CFAP44: variants seen among roughly 807,000 people sequenced by gnomAD.
The protein encoded by CFAP44 is cilia and flagella associated protein 44, also known as cilia- and flagella-associated protein 44.
CFAP44 carries 134 observed loss-of-function variants against 216.2 expected under a neutral mutation model. That is an observed-to-expected ratio of 0.62 (90% CI 0.54 to 0.72). The LOEUF is 0.72. CFAP44 is among the 30% of genes least tolerant of loss of function. The pLI is 0.00. For missense variants in CFAP44, 2,035 were observed against 2,182.1 expected, an observed-to-expected ratio of 0.93 and a Z score of 1.34; for synonymous variants, 700 against 727.6, an observed-to-expected ratio of 0.96 and a Z score of 0.61.
chr3:113,370,019 G>C (rs1933097470), intron 18 of CFAP44, among the ~76,000 whole-genome samples: 1 of 152,096 alleles, frequency 6.6e-6, no homozygotes, highest in Admixed American at 6.5e-5. Context: ...ACCCTCCCAA[G>C]ACTAAACCAG....
chr3:113,418,910 T>G (rs1426931008), intron 5 of CFAP44, among the ~76,000 whole-genome samples: 2 of 152,020 alleles, frequency 1.3e-5, no homozygotes, highest in East Asian at 3.9e-4. Context: ...TTCACCATGT[T>G]GGCCAGGCTG....
At chr3:113,390,069 C>T (rs555067596) in intron 15 of CFAP44, among the ~76,000 whole-genome samples, 1 of 152,290 alleles carries the variant, frequency 6.6e-6, no homozygotes, top group South Asian at 2.1e-4. Flanking sequence ...AGGCCACTAT[C>T]ACAGATGAAT....
At chr3:113,294,651 C>T in intron 34 of CFAP44, 36 bp downstream of exon 34, 1 of 1,487,112 alleles carries the variant, frequency 6.7e-7, no homozygotes, top group Non-Finnish European at 8.9e-7. Flanking sequence ...AGAGCTTCCT[C>T]AATTCCGAAA....
intron 21 of CFAP44, among the ~76,000 whole-genome samples, chr3:113,361,663 T>C (rs1046786139): frequency 1.3e-5 from 2 of 148,844 alleles, no homozygotes; most frequent in African/African-American, 5.2e-5. Flanking sequence ...ACCTGGCTAA[T>C]TTTTTTTGTA....
chr3:113,397,679 A>G (rs1055651173), intron 13 of CFAP44, among the ~76,000 whole-genome samples: 5 of 152,192 alleles, frequency 3.3e-5, no homozygotes, highest in African/African-American at 1.2e-4. Flanking sequence ...TATTTTAGGA[A>G]GAGGTGTAAT....
chr3:113,423,821 C>T (rs1934886909), intron 4 of CFAP44, among the ~76,000 whole-genome samples: 1 of 152,074 alleles, frequency 6.6e-6, no homozygotes, highest in Non-Finnish European at 1.5e-5. Flanking sequence ...CAGAGTAGGC[C>T]CAGAGACTCC....
At chr3:113,344,092 C>G (rs1344389963) in intron 23 of CFAP44, among the ~76,000 whole-genome samples, 1 of 152,128 alleles carries the variant, frequency 6.6e-6, no homozygotes, top group Non-Finnish European at 1.5e-5. Flanking sequence ...GTCTGAAATG[C>G]AGTGTTTTAG....
chr3:113,346,609 T>C (rs1950385583), intron 22 of CFAP44, among the ~76,000 whole-genome samples: 1 of 151,728 alleles, frequency 6.6e-6, no homozygotes, highest in Non-Finnish European at 1.5e-5. Flanking sequence ...AATGCACCAA[T>C]CAACACTCTG....
At chr3:113,367,938 C>T (rs556298196) in intron 18 of CFAP44, among the ~76,000 whole-genome samples, 46 of 151,822 alleles carry the variant, frequency 3.0e-4, no homozygotes, top group African/African-American at 1.0e-3. Flanking sequence ...AACTTCGTGA[C>T]GCATGCACAA....
chr3:113,420,240 G>A lies in CFAP44; in HGVS notation c.408-61C>T, dbSNP rs1171134029. 4.1e-6 allele frequency: 6 copies of A among 1,458,212 alleles called. No homozygotes were observed. In the African/African-American group the frequency reaches 4.3e-5, roughly 10 times the overall value. 90.3% of individuals were successfully genotyped at this position (1,458,212 alleles called of 1,614,324 possible). ...CACTACCATCCTAGGGATTGGAAAA[G>A]TGATGAAATAAATTTTTAAATCTAT... On this transcript the variant is annotated intron_variant, in intron 4 of 34. Coordinates refer to ENST00000393845, the MANE Select transcript of CFAP44 (RefSeq NM_001164496.2).
chr3:113,433,792 G>A, intron 1 of CFAP44, 123 bp from the exon 2 acceptor site: 1 of 754,426 alleles, frequency 1.3e-6, no homozygotes, highest in Admixed American at 2.1e-5. Context: ...GTTTGCACAG[G>A]ATCCAGGATG....
At position 113,391,123 on chromosome 3, in the gene CFAP44, T is replaced by C. The variant is rs138233936; in HGVS notation, c.1890+4627A>G. 7.9e-4 allele frequency among the ~76,000 whole-genome samples: 120 copies of C among 152,262 alleles called. 1 individual carries two copies. Among genetic ancestry groups the C allele is most frequent in the East Asian group, 5.2e-3 (27 of 5,190 alleles). On this transcript the variant is annotated intron_variant, in intron 15 of 34. Coordinates refer to ENST00000393845, the MANE Select transcript of CFAP44 (RefSeq NM_001164496.2). The stretch of plus-strand genomic sequence containing the variant: ...CAGAGATACAGGAACCAAAACAGCA[T>C]GGTACTGACATAAAAACAGAAACAC...
intron 32 of CFAP44, among the ~76,000 whole-genome samples, chr3:113,303,417 G>T (rs1949956709): frequency 6.6e-6 from 1 of 152,074 alleles, no homozygotes; most frequent in Non-Finnish European, 1.5e-5. Flanking sequence ...GTAGTTTATG[G>T]ATAACTTAAA....
In CFAP44 at chr3:113,373,518, G is replaced by T. The variant is rs150695313; in HGVS notation, c.2337C>A (p.Phe779Leu). 590 of 1,600,986 alleles carry T rather than the reference G, an allele frequency of 3.7e-4. 3 individuals are homozygous for T. The African/African-American group carries it at 6.8e-3, about 19-fold the overall frequency. The change falls in exon 18 of 35, where the codon TTC becomes TTA. Residue 779 changes from phenylalanine to leucine, a missense_variant. This residue lies in a region of CFAP44 where 1,883 missense variants were observed against 2,023.7 expected (regional missense o/e 0.93). Coordinates refer to ENST00000393845, the MANE Select transcript of CFAP44 (RefSeq NM_001164496.2). ...AATCACTGCTTTCATCACAAGGGGG[G>T]AACTCACAGTGATATAGAAAACCAG... ...YDSGFLYHCE[F>L]PPCDESSDFK...
intron 13 of CFAP44, among the ~76,000 whole-genome samples, chr3:113,399,383 C>T (rs1934081811): frequency 6.6e-6 from 1 of 152,174 alleles, no homozygotes; most frequent in African/African-American, 2.4e-5. Flanking sequence ...AATGGAACAA[C>T]TCCCTATCTC....
At chr3:113,420,684 G>A (rs1181375717) in intron 4 of CFAP44, among the ~76,000 whole-genome samples, 1 of 152,052 alleles carries the variant, frequency 6.6e-6, no homozygotes, top group Non-Finnish European at 1.5e-5. Flanking sequence ...AAAATATTAC[G>A]TAGGCCTTTT....
At position 113,291,380 on chromosome 3, in the gene CFAP44, G is replaced by T; in HGVS notation, c.*177C>A. ...TAACAGAGGTTGGGTGCTGCAGTCAGTTCTAAGATAACCAAATTGTAGAGA... is the reference window on the plus strand; with the variant it reads ...TAACAGAGGTTGGGTGCTGCAGTCATTTCTAAGATAACCAAATTGTAGAGA... On this transcript the variant is annotated 3_prime_UTR_variant, in exon 35 of 35. Transcript: ENST00000393845. The T allele has an allele frequency of 1.4e-6, 1 of 707,722 alleles. No individual in the cohort carries two copies. Among genetic ancestry groups the T allele is most frequent in the Non-Finnish European group, 2.3e-6 (1 of 438,864 alleles). 43.8% of individuals were successfully genotyped at this position (707,722 alleles called of 1,614,324 possible).
intron 32 of CFAP44, among the ~76,000 whole-genome samples, chr3:113,302,415 T>C (rs1338142293): frequency 1.4e-5 from 2 of 138,230 alleles, no homozygotes; most frequent in Non-Finnish European, 3.1e-5. Context: ...ATTACTATAT[T>C]AAGATTTAAA....
intron 8 of CFAP44, 129 bp downstream of exon 8, chr3:113,406,798 T>C: frequency 1.7e-6 from 1 of 592,198 alleles, no homozygotes; most frequent in Non-Finnish European, 2.9e-6. Context: ...AGAAGTAAAA[T>C]TAAATGTTCA....
Sources: gnomAD v4.1 joint callset for allele counts (sites outside exome capture counted in the v4.1 genomes callset) on GRCh38, gnomAD v4.1.1 for gene constraint, gnomAD v4.1.1 regional missense constraint, MANE v1.5 for transcripts, NCBI Gene and HGNC (gene_info 2026-07-23, HGNC 2026-07-21) for gene names.